The following MARCHF4 variants were observed in gnomAD, a reference collection of about 807,000 sequenced individuals.
MARCHF4 encodes the protein E3 ubiquitin-protein ligase MARCHF4.
Under a neutral mutation model 43.9 loss-of-function variants are expected in MARCHF4, and 14 were observed. The ratio of observed to expected loss-of-function variants is 0.32; its 90% CI spans 0.21 to 0.50. MARCHF4 has a LOEUF of 0.50. Ranked by LOEUF, MARCHF4 falls within the 20% of genes least tolerant of loss-of-function variation. The probability of loss-of-function intolerance (pLI) is 0.98; values close to 1 mark genes in which losing one functional copy is unlikely to be tolerated. For missense variants in MARCHF4, 468 were observed against 536.7 expected, an observed-to-expected ratio of 0.87 and a Z score of 1.27; for synonymous variants, 226 against 213.3, an observed-to-expected ratio of 1.06 and a Z score of -0.52.
Position 216,360,894 on chromosome 2 carries a change from C to G in MARCHF4, c.516+8851G>C, listed in dbSNP as rs528597069. Reference sequence around the variant, plus strand: ...CAGGCTGGTCTCAAATTCCAGGGCTCGTCTCAAATTCCAGGGCTCAAACGA... The same window carrying G: ...CAGGCTGGTCTCAAATTCCAGGGCTGGTCTCAAATTCCAGGGCTCAAACGA... On this transcript the variant is annotated intron_variant, in intron 1 of 3. Transcript: ENST00000273067. Among the ~76,000 whole-genome samples, 271 of 140,194 alleles carry G rather than the reference C, an allele frequency of 1.9e-3. 2 individuals carry two copies. Among genetic ancestry groups the G allele is most frequent in the Middle Eastern group, 0.014 (4 of 280 alleles). 92.0% of individuals were successfully genotyped at this position (140,194 alleles called of 152,430 possible).
intron 1 of MARCHF4, among the ~76,000 whole-genome samples, chr2:216,318,931 T>C (rs189532398): frequency 7.2e-4 from 109 of 152,290 alleles, no homozygotes; most frequent in Admixed American, 2.0e-3. Context: ...GGTAGGATTA[T>C]GGATTTTCTT....
intron 1 of MARCHF4, among the ~76,000 whole-genome samples, chr2:216,325,537 G>A (rs914260250): frequency 1.3e-5 from 2 of 152,116 alleles, no homozygotes; most frequent in Non-Finnish European, 2.9e-5. Flanking sequence ...AACAAAGCTG[G>A]AGGCATCACA....
At chr2:216,312,354 G>T (rs1691701208) in intron 1 of MARCHF4, among the ~76,000 whole-genome samples, 1 of 152,166 alleles carries the variant, frequency 6.6e-6, no homozygotes, top group East Asian at 1.9e-4. Flanking sequence ...TATCCAGTCA[G>T]CTGCTGATAG....
At position 216,259,658 on chromosome 2, in the gene MARCHF4, G is replaced by T. The variant is rs750961400; in HGVS notation, c.887C>A (p.Pro296His). ...CCGTTTAAAGATGCGGTACACCGAG[G>T]GTCCTTCATGGATGATGAGACCTGA... ...VCIGLIIHEG[P>H]SVYRIFKRWQ... The change falls in exon 4 of 4, where the codon CCC becomes CAC. Residue 296 changes from proline (P) to histidine (H), a missense_variant. Pro to His is a moderately conservative substitution (Grantham distance 77). This residue lies in a region of MARCHF4 where 158 missense variants were observed against 251.1 expected (regional missense o/e 0.63). Coordinates refer to ENST00000273067, the MANE Select transcript of MARCHF4 (RefSeq NM_020814.3). 25 of 1,613,934 alleles carry T rather than the reference G, an allele frequency of 1.5e-5. 1 individual carries two copies. In the South Asian group the frequency reaches 2.7e-4, roughly 18 times the overall value.
chr2:216,285,502 G>A (rs1429298509), intron 1 of MARCHF4, among the ~76,000 whole-genome samples: 3 of 152,170 alleles, frequency 2.0e-5, no homozygotes, highest in Non-Finnish European at 1.5e-5. Context: ...AAAGGGCCTG[G>A]TAAAGTTTGA....
At chr2:216,332,777 A>G (rs1692099501) in intron 1 of MARCHF4, among the ~76,000 whole-genome samples, 1 of 152,226 alleles carries the variant, frequency 6.6e-6, no homozygotes, top group South Asian at 2.1e-4. Context: ...TGATATAGCC[A>G]TAGTAATTAA....
At chr2:216,319,332 A>G (rs767557215) in intron 1 of MARCHF4, among the ~76,000 whole-genome samples, 10 of 152,050 alleles carry the variant, frequency 6.6e-5, no homozygotes, top group Admixed American at 5.2e-4. Flanking sequence ...AAAACAAAAC[A>G]AACACAAATC....
chr2:216,320,977 T>C (rs941457876), intron 1 of MARCHF4, among the ~76,000 whole-genome samples: 1 of 151,456 alleles, frequency 6.6e-6, no homozygotes, highest in Non-Finnish European at 1.5e-5. Flanking sequence ...CGCACCCAGA[T>C]GCCTCTTTTT....
intron 1 of MARCHF4, among the ~76,000 whole-genome samples, chr2:216,290,080 G>A (rs1490451154): frequency 1.3e-5 from 2 of 152,152 alleles, no homozygotes; most frequent in African/African-American, 4.8e-5. Flanking sequence ...AAATTCTCTA[G>A]TCAAGACAGA....
chr2:216,269,028 A>C (rs575981165), intron 3 of MARCHF4, among the ~76,000 whole-genome samples: 1 of 152,258 alleles, frequency 6.6e-6, no homozygotes, highest in Non-Finnish European at 1.5e-5. Flanking sequence ...ACACAGAGGA[A>C]GCTTAAAAAA....
At chr2:216,315,388 C>T (rs1691757714) in intron 1 of MARCHF4, among the ~76,000 whole-genome samples, 1 of 152,166 alleles carries the variant, frequency 6.6e-6, no homozygotes, top group South Asian at 2.1e-4. Context: ...TAAAAATACA[C>T]ATATTCTTCA....
chr2:216,331,731 A>G (rs1299949779), intron 1 of MARCHF4, among the ~76,000 whole-genome samples: 1 of 152,264 alleles, frequency 6.6e-6, no homozygotes, highest in African/African-American at 2.4e-5. Context: ...AGAAAAATCA[A>G]TATGGTCATC....
intron 1 of MARCHF4, among the ~76,000 whole-genome samples, chr2:216,364,944 T>C (rs1182094705): frequency 6.6e-6 from 1 of 152,212 alleles, no homozygotes; most frequent in African/African-American, 2.4e-5. Context: ...TTAGCTGGAT[T>C]TACTACTTTT....
At chr2:216,334,884 C>G (rs1461026851) in intron 1 of MARCHF4, among the ~76,000 whole-genome samples, 1 of 152,186 alleles carries the variant, frequency 6.6e-6, no homozygotes, top group Non-Finnish European at 1.5e-5. Context: ...ATAAATGTAC[C>G]AAATTTACTG....
intron 3 of MARCHF4, among the ~76,000 whole-genome samples, chr2:216,261,770 G>T (rs532203878): frequency 1.1e-4 from 17 of 152,298 alleles, no homozygotes; most frequent in African/African-American, 3.8e-4. Flanking sequence ...AGACCTCTTA[G>T]GGAAGAGAAG....
chr2:216,367,449 G>GAAA (rs111286697), intron 1 of MARCHF4, among the ~76,000 whole-genome samples: 1 of 148,650 alleles, frequency 6.7e-6, no homozygotes, highest in East Asian at 1.9e-4. Flanking sequence ...GAAATGCTGT[G>GAAA]AAAAAAAAAA....
chr2:216,307,537 CG>C (rs1559095068), intron 1 of MARCHF4, among the ~76,000 whole-genome samples: 2 of 136,614 alleles, frequency 1.5e-5, no homozygotes, highest in African/African-American at 2.5e-5. Flanking sequence ...TTCAAATCAA[CG>C]TTTTTTTTTG....
chr2:216,315,189 G>C (rs1691755313), intron 1 of MARCHF4, among the ~76,000 whole-genome samples: 1 of 152,170 alleles, frequency 6.6e-6, no homozygotes, highest in Non-Finnish European at 1.5e-5. Context: ...ATCTTCTTTA[G>C]TAAATAGAGA....
At chr2:216,336,203 T>A (rs1384869852) in intron 1 of MARCHF4, among the ~76,000 whole-genome samples, 1 of 151,510 alleles carries the variant, frequency 6.6e-6, no homozygotes, top group African/African-American at 2.4e-5. Context: ...CTCATAAAAA[T>A]TTTAAGTGTG....
Sources: allele counts gnomAD v4.1 joint callset (sites outside exome capture counted in the v4.1 genomes callset), GRCh38; gene constraint gnomAD v4.1.1; regional missense constraint gnomAD v4.1.1; transcripts MANE v1.5; gene names NCBI Gene and HGNC (gene_info 2026-07-23, HGNC 2026-07-21).